Variants in CTSB observed in about 807,000 individuals in gnomAD.
CTSB encodes the protein cathepsin B.
A neutral mutation model predicts 44.3 loss-of-function variants in CTSB; 57 were observed. That is an observed-to-expected ratio of 1.29 (90% CI 1.04 to 1.60). The LOEUF (loss-of-function observed/expected upper bound fraction) is 1.60. Ranked by LOEUF, CTSB falls within the 40% of genes most tolerant of loss-of-function variation. The pLI is 0.00. For synonymous variants in CTSB, 320 were observed against 168.0 expected, an observed-to-expected ratio of 1.91 and a Z score of -7.00; for missense variants, 768 against 443.0, an observed-to-expected ratio of 1.73 and a Z score of -6.59.
chr8:11,863,607 C>A (rs1023851638), intron 1 of CTSB, among the ~76,000 whole-genome samples: 4 of 152,274 alleles, frequency 2.6e-5, no homozygotes, highest in African/African-American at 9.6e-5. Context: ...TGACCTTGAG[C>A]AGTATGATGT....
intron 1 of CTSB, chr8:11,865,521 G>A (rs1460377993): frequency 0.029 from 4 of 140 alleles, no homozygotes; most frequent in South Asian, 0.5. Flanking sequence ...CACAGGAAGC[G>A]GAGTTGCAGT....
chr8:11,857,445 C>CAGCA (rs1293695739), intron 1 of CTSB, among the ~76,000 whole-genome samples: 2 of 152,180 alleles, frequency 1.3e-5, no homozygotes, highest in African/African-American at 2.4e-5. Context: ...CGTGGGCAGA[C>CAGCA]AGCAGTGTCC....
intron 8 of CTSB, 142 bp downstream of exon 8, chr8:11,846,910 T>C (rs901787797): frequency 4.6e-6 from 3 of 650,894 alleles, no homozygotes; most frequent in Non-Finnish European, 5.6e-6. Context: ...AGTGAGCCTA[T>C]ATGGAAGGCC....
At chr8:11,845,285 A>AT in intron 9 of CTSB, 63 bp from the exon 10 acceptor site, 1 of 1,294,152 alleles carries the variant, frequency 7.7e-7, no homozygotes. Context: ...AGTCAGACTC[A>AT]TCCTTAAAAG....
chr8:11,856,678 T>C (rs1266549440), intron 1 of CTSB, among the ~76,000 whole-genome samples: 1 of 152,114 alleles, frequency 6.6e-6, no homozygotes, highest in Non-Finnish European at 1.5e-5. Context: ...CAAGTCCCAA[T>C]GTTAAGTGGG....
Position 11,847,060 on chromosome 8 carries a change from T to G in CTSB, c.785A>C (p.Tyr262Ser). Residue 262 changes from tyrosine to serine, a missense_variant, in exon 8 of 10, where the codon TAC becomes TCC. Tyr to Ser is a moderately radical substitution (Grantham distance 144, BLOSUM62 -2). Transcript: ENST00000353047. Reference sequence around the variant, plus strand: ...CAGCCATCAGCACGCACCTGACTTGTAGAGCAGGAAGTCCGAATACACAGA... The same window carrying G: ...CAGCCATCAGCACGCACCTGACTTGGAGAGCAGGAAGTCCGAATACACAGA... ...AFSVYSDFLL[Y>S]KSGVYQHVTG... The G allele has an allele frequency of 6.3e-7, 1 of 1,588,044 alleles. No homozygotes were observed. Among genetic ancestry groups the G allele is most frequent in the Non-Finnish European group, 8.6e-7 (1 of 1,156,480 alleles).
intron 8 of CTSB, 86 bp from the exon 9 acceptor site, chr8:11,845,875 C>A (rs560756918): frequency 1.5e-5 from 22 of 1,446,060 alleles, no homozygotes; most frequent in South Asian, 3.0e-5. Context: ...GGTCATGCTC[C>A]GGGAAGGAGA....
At chr8:11,846,899 G>A (rs1036852163) in intron 8 of CTSB, 153 bp downstream of exon 8, 11 of 628,582 alleles carry the variant, frequency 1.7e-5, no homozygotes, top group Non-Finnish European at 2.6e-5. Context: ...GTCCACAGAG[G>A]AGTGAGCCTA....
intron 3 of CTSB, 129 bp from the exon 4 acceptor site, chr8:11,851,109 T>G: frequency 2.1e-6 from 1 of 483,566 alleles, no homozygotes; most frequent in Non-Finnish European, 3.9e-6. Flanking sequence ...CGAAGAAGGC[T>G]GCAGACAGGT....
chr8:11,860,232 A>G (rs963123630), intron 1 of CTSB, among the ~76,000 whole-genome samples: 5 of 152,208 alleles, frequency 3.3e-5, no homozygotes, highest in Non-Finnish European at 7.3e-5. Flanking sequence ...AAAAAAAGTG[A>G]AAGAATTCTT....
chr8:11,852,685 T>C lies in CTSB; in HGVS notation c.137A>G (p.Asn46Ser). ...GTAGCTCATGTCCACGTTGTAGAAG[T>C]TGTGCCCGGCCTGGAAGAGAGTCAC... ...KRNTTWQAGH[N>S]FYNVDMSYLK... Residue 46 changes from asparagine to serine, a missense_variant, in exon 3 of 10, where the codon AAC becomes AGC. Coordinates refer to ENST00000353047, the MANE Select transcript of CTSB (RefSeq NM_001908.5). 2 of 1,614,002 alleles carry C rather than the reference T, an allele frequency of 1.2e-6. No individual in the cohort carries two copies. The highest frequency in any genetic ancestry group is 1.7e-5 in the Admixed American group (1 of 60,016).
chr8:11,849,219 C>G, intron 4 of CTSB, 55 bp from the exon 5 acceptor site: 1 of 1,455,786 alleles, frequency 6.9e-7, no homozygotes, highest in Non-Finnish European at 9.6e-7. Flanking sequence ...GGGCCCTCTG[C>G]AGCAGTCCCC....
Position 11,852,673 on chromosome 8 carries a change from A to C in CTSB, c.149T>G (p.Val50Gly). 1 of 1,614,066 alleles carries C rather than the reference A, an allele frequency of 6.2e-7. No individual in the cohort carries two copies. The highest frequency in any genetic ancestry group is 8.5e-7 in the Non-Finnish European group (1 of 1,180,030). Residue 50 changes from valine to glycine, a missense_variant, in exon 3 of 10, where the codon GTG (valine) becomes GGG (glycine). By Grantham distance (109) the Val-to-Gly change is moderately radical. Coordinates refer to ENST00000353047, the MANE Select transcript of CTSB (RefSeq NM_001908.5). ...TAGCCTCTTCAAGTAGCTCATGTCC[A>C]CGTTGTAGAAGTTGTGCCCGGCCTG... The part of the protein sequence containing the change: ...TWQAGHNFYN[V>G]DMSYLKRLCG...
rs1306169388 is a variant in CTSB, at chr8:11,845,202, C to G, written c.943G>C (p.Gly315Arg). ...GDNGFFKILR[G>R]QDHCGIESEV... is the part of the protein sequence containing the mutation. ...GATTCGATTCCACAGTGATCCTGTCCTCTGAGTATTTTAAAGAAGCCTGGG... is the reference window on the plus strand; with the variant it reads ...GATTCGATTCCACAGTGATCCTGTCGTCTGAGTATTTTAAAGAAGCCTGGG... The change falls in exon 10 of 10, where the codon GGA (glycine) becomes CGA (arginine). Residue 315 changes from glycine to arginine, a missense_variant. Gly to Arg is a moderately radical substitution (Grantham distance 125). Transcript: ENST00000353047. 5 of 1,613,374 alleles carry G rather than the reference C, an allele frequency of 3.1e-6. No individual in the cohort carries two copies. Among genetic ancestry groups the G allele is most frequent in the Non-Finnish European group, 4.2e-6 (5 of 1,179,448 alleles).
Position 11,845,093 on chromosome 8 carries a change from C to G in CTSB, c.*32G>C. On this transcript the variant is annotated 3_prime_UTR_variant, in exon 10 of 10. Transcript: ENST00000353047. ...AAATGCATTTCTACCCCGATCTCGC[C>G]CCCAGGACTGGCACGACAGGCCCAC... is the stretch of plus-strand genomic sequence containing the variant. 6.9e-7 allele frequency: 1 copy of G among 1,441,468 alleles called. No individual in the cohort carries two copies. Among genetic ancestry groups the G allele is most frequent in the Non-Finnish European group, 9.8e-7 (1 of 1,023,154 alleles). The allele number at this position is 1,441,468 out of a possible 1,614,324, so 89.3% of individuals were successfully genotyped here.
chr8:11,849,153 A>T lies in CTSB; in HGVS notation c.339T>A (p.Ala113=), dbSNP rs374071844. The change falls in exon 5 of 10, where the codon GCT becomes GCA. Residue 113 remains alanine, a synonymous_variant. Transcript: ENST00000353047. The part of the protein sequence containing the change: ...GSCGSCWAFG[A]VEAISDRICI... Reference sequence around the variant, plus strand: ...AGATCCGGTCAGAGATGGCTTCCACAGCCCCGAAGGCCTGCAGGAACGAGC... The same window carrying T: ...AGATCCGGTCAGAGATGGCTTCCACTGCCCCGAAGGCCTGCAGGAACGAGC... The T allele has an allele frequency of 6.2e-7, 1 of 1,612,280 alleles. No homozygotes were observed. The highest frequency in any genetic ancestry group is 8.5e-7 in the Non-Finnish European group (1 of 1,179,612).
chr8:11,853,089 C>T (rs71518540), intron 2 of CTSB, among the ~76,000 whole-genome samples: 1 of 152,150 alleles, frequency 6.6e-6, no homozygotes, highest in Non-Finnish European at 1.5e-5. Context: ...CCACACACCT[C>T]CACGTGCACA....
intron 6 of CTSB, 79 bp from the exon 7 acceptor site, chr8:11,847,901 G>C: frequency 6.9e-7 from 1 of 1,448,268 alleles, no homozygotes; most frequent in South Asian, 1.3e-5. Context: ...CCTCGTGCCT[G>C]CAGCATGGAC....
At chr8:11,849,409 G>A (rs958190906) in intron 4 of CTSB, 13 of 329,500 alleles carry the variant, frequency 3.9e-5, no homozygotes, top group African/African-American at 2.7e-4. Flanking sequence ...GCCTCCCAAA[G>A]TGCTGGGATT....
Sources: allele counts gnomAD v4.1 joint callset (sites outside exome capture counted in the v4.1 genomes callset), GRCh38; gene constraint gnomAD v4.1.1; transcripts MANE v1.5; gene names NCBI Gene and HGNC (gene_info 2026-07-23, HGNC 2026-07-21).